The following ATAD3B variants were observed in gnomAD, a reference collection of about 807,000 sequenced individuals.
ATAD3B encodes the protein ATPase family AAA domain-containing protein 3B.
A neutral mutation model predicts 70.2 loss-of-function variants in ATAD3B; 59 were observed. That is an observed-to-expected ratio of 0.84 (90% CI 0.68 to 1.04). The LOEUF (loss-of-function observed/expected upper bound fraction) is 1.04, where lower values mean the gene tolerates loss of function less well. Among genes scored for constraint, ATAD3B ranks in the 50% least tolerant of loss-of-function variants. The probability of loss-of-function intolerance (pLI) is 0.00; values close to 1 mark genes in which losing one functional copy is unlikely to be tolerated. For synonymous variants in ATAD3B, 423 were observed against 388.6 expected, an observed-to-expected ratio of 1.09 and a Z score of -1.04; for missense variants, 961 against 913.4, an observed-to-expected ratio of 1.05 and a Z score of -0.67.
At chr1:1,482,499 A>G (rs1242411047) in intron 6 of ATAD3B, 46 bp from the exon 7 acceptor site, 1 of 1,613,178 alleles carries the variant, frequency 6.2e-7, no homozygotes, top group South Asian at 1.1e-5. Flanking sequence ...GCTGCGTGGT[A>G]CGGATCTTCG....
the ATAD3B span, among the ~76,000 whole-genome samples, chr1:1,507,159 A>G: frequency 6.6e-6 from 1 of 152,126 alleles, no homozygotes; most frequent in Non-Finnish European, 1.5e-5. Context: ...CTCCCTTTTC[A>G]GTTTGGATGA....
chr1:1,487,810 T>A lies in ATAD3B; in HGVS notation c.1215-53T>A, dbSNP rs559103079. 1.9e-4 allele frequency: 311 copies of A among 1,602,736 alleles called. 5 individuals are homozygous for A. The highest frequency in any genetic ancestry group is 6.8e-4 in the Admixed American group (41 of 59,938). ...CTCCTGCCGCGGCCGGACGCTGCTG[T>A]GGGCTGCTCCTGGCGTCACTCTCGC... On this transcript the variant is annotated intron_variant, in intron 11 of 15. Transcript: ENST00000673477.
intron 7 of ATAD3B, chr1:1,484,733 G>C (rs867970440): frequency 1.3e-5 from 9 of 684,430 alleles, no homozygotes; most frequent in African/African-American, 9.0e-5. Flanking sequence ...CATCCAGCTG[G>C]GTCTGCCCAG....
chr1:1,475,848 A>C (rs1570190166), intron 1 of ATAD3B, among the ~76,000 whole-genome samples: 1 of 151,292 alleles, frequency 6.6e-6, no homozygotes, highest in South Asian at 2.1e-4. Flanking sequence ...CCCCAGAGTC[A>C]CTGGGGGTAG....
rs1640824993 is a variant in ATAD3B, at chr1:1,497,308, C to G, written c.*1491C>G. On this transcript the variant is annotated 3_prime_UTR_variant, in exon 16 of 16. Transcript: ENST00000673477. ...CACTGCAGCCTCGACCTCCCAGGCT[C>G]AAGTGATCCTCCTGCCTCAGCCTGT... 1 of 148,410 alleles carries G rather than the reference C, an allele frequency of 6.7e-6. No individual in the cohort carries two copies. The highest frequency in any genetic ancestry group is 1.5e-5 in the Non-Finnish European group (1 of 67,196). 9.2% of individuals were successfully genotyped at this position (148,410 alleles called of 1,614,324 possible).
chr1:1,492,935 T>A (rs1640609165), intron 15 of ATAD3B, among the ~76,000 whole-genome samples: 1 of 128,628 alleles, frequency 7.8e-6, no homozygotes, highest in Non-Finnish European at 1.5e-5. Context: ...CGATACTCCA[T>A]CTCCAAAAAA....
At position 1,486,258 on chromosome 1, in the gene ATAD3B, G is replaced by C. The variant is rs777686605; in HGVS notation, c.1089+23G>C. On this transcript the variant is annotated intron_variant, in intron 10 of 15. Coordinates refer to ENST00000673477, the MANE Select transcript of ATAD3B (RefSeq NM_031921.6). ...AAGGTGAGAGCGCCTGGCTGAACAG[G>C]TGGGCCAGGGGCCGCTGGGGTCTCA... is the stretch of plus-strand genomic sequence containing the variant. 1.9e-6 allele frequency: 3 copies of C among 1,612,416 alleles called. No individual in the cohort carries two copies. In the South Asian group the frequency reaches 3.3e-5, roughly 18 times the overall value.
chr1:1,482,019 C>G, intron 5 of ATAD3B, 119 bp from the exon 6 acceptor site: 1 of 1,450,210 alleles, frequency 6.9e-7, no homozygotes, highest in Non-Finnish European at 9.3e-7. Flanking sequence ...ATGGGCCTGT[C>G]TGTGGCGTTG....
At chr1:1,498,835 C>G (rs145819457), downstream of ATAD3B, among the ~76,000 whole-genome samples, 5 of 151,854 alleles carry the variant, frequency 3.3e-5, no homozygotes, top group East Asian at 1.9e-4. Context: ...CGAATGTTAA[C>G]TTTTCTCAGC....
rs376134752 is a variant in ATAD3B, at chr1:1,489,959, G to A, written c.1338-298G>A. On this transcript the variant is annotated intron_variant, in intron 13 of 15. Transcript: ENST00000673477. ...CTCCCAGCACAGCGGGGCTCAGGTA[G>A]CAGGAGGGAGTGGTGTTCCCGGCAC... The A allele has an allele frequency of 8.4e-5, 107 of 1,268,144 alleles. No homozygotes were observed. In the African/African-American group the frequency reaches 1.5e-3, roughly 17 times the overall value. The allele number at this position is 1,268,144 out of a possible 1,614,324, so 78.6% of individuals were successfully genotyped here. A position where few individuals can be genotyped will look rare whatever the true frequency, so the allele number is the denominator to read the frequency against.
chr1:1,479,262 CAGCACACGTGTACA>C (rs1639765644), intron 4 of ATAD3B, among the ~76,000 whole-genome samples, 154 bp downstream of exon 4: 1 of 147,372 alleles, frequency 6.8e-6, no homozygotes, highest in Non-Finnish European at 1.5e-5. Context: ...AGACACGCAC[CAGCACACGTGTACA>C]GGCACACATG....
chr1:1,509,031 G>GC, the ATAD3B span, among the ~76,000 whole-genome samples: 1 of 151,810 alleles, frequency 6.6e-6, no homozygotes, highest in Non-Finnish European at 1.5e-5. Flanking sequence ...TGCAGGGGCT[G>GC]CCCCCGGTGT....
At chr1:1,506,787 CT>C in the ATAD3B span, among the ~76,000 whole-genome samples, 221 of 120,028 alleles carry the variant, frequency 1.8e-3, no homozygotes, top group African/African-American at 4.2e-3. Context: ...TTTCTTTTTT[CT>C]TTTTTTTTTT....
Position 1,495,863 on chromosome 1 carries a change from C to T in ATAD3B, c.*46C>T, listed in dbSNP as rs1640766412. On this transcript the variant is annotated 3_prime_UTR_variant, in exon 16 of 16. Transcript: ENST00000673477. Reference sequence around the variant, plus strand: ...GGCCTCCTTCCTGCCCCTCGAGACACTCTTGGGAGATGCATTTTCCGTCTG... The same window carrying T: ...GGCCTCCTTCCTGCCCCTCGAGACATTCTTGGGAGATGCATTTTCCGTCTG... 6.7e-7 allele frequency: 1 copy of T among 1,500,268 alleles called. No homozygotes were observed. Among genetic ancestry groups the T allele is most frequent in the South Asian group, 1.3e-5 (1 of 75,138 alleles). 92.9% of individuals were successfully genotyped at this position (1,500,268 alleles called of 1,614,324 possible). A position where few individuals can be genotyped will look rare whatever the true frequency, so the allele number is the denominator to read the frequency against.
At chr1:1,472,883 G>C (rs866668515) in intron 1 of ATAD3B, among the ~76,000 whole-genome samples, 4 of 152,022 alleles carry the variant, frequency 2.6e-5, no homozygotes, top group Middle Eastern at 6.8e-3. Flanking sequence ...GCCGAGGCTG[G>C]AGTGCAGTGG....
downstream of ATAD3B, among the ~76,000 whole-genome samples, chr1:1,500,087 G>A (rs1363421001): frequency 6.7e-6 from 1 of 150,164 alleles, no homozygotes; most frequent in Admixed American, 6.6e-5. Context: ...TAGTAGAGAC[G>A]GGGTTTCACC....
intron 15 of ATAD3B, among the ~76,000 whole-genome samples, chr1:1,491,622 C>T (rs889026437): frequency 1.3e-5 from 2 of 152,004 alleles, no homozygotes; most frequent in Non-Finnish European, 2.9e-5. Flanking sequence ...ACAGGCATTG[C>T]CGCCTCTGGG....
chr1:1,472,811 C>T (rs1406195857), intron 1 of ATAD3B, among the ~76,000 whole-genome samples: 4 of 152,000 alleles, frequency 2.6e-5, no homozygotes, highest in Non-Finnish European at 5.9e-5. Flanking sequence ...TGGTTCTCAA[C>T]TCTTGTTTAA....
At chr1:1,490,976 C>A (rs1640513189) in intron 15 of ATAD3B, among the ~76,000 whole-genome samples, 1 of 151,954 alleles carries the variant, frequency 6.6e-6, no homozygotes, top group Admixed American at 6.6e-5. Flanking sequence ...GTTTCTGGCT[C>A]TCATCTTGGC....
Sources: allele counts gnomAD v4.1 joint callset (sites outside exome capture counted in the v4.1 genomes callset), GRCh38; gene constraint gnomAD v4.1.1; transcripts MANE v1.5; gene names NCBI Gene and HGNC (gene_info 2026-07-23, HGNC 2026-07-21).